ERBB4: variants seen among roughly 807,000 people sequenced by gnomAD.
The protein encoded by ERBB4 is receptor tyrosine-protein kinase erbB-4.
In ERBB4, 42 loss-of-function variants were observed where a neutral mutation model predicts 158.0. That is an observed-to-expected ratio of 0.27 (90% CI 0.21 to 0.34). ERBB4 has a LOEUF of 0.34. Among genes scored for constraint, ERBB4 ranks in the 10% least tolerant of loss-of-function variants. The pLI, the probability that ERBB4 is intolerant of heterozygous loss-of-function variation, is 1.00. For synonymous variants in ERBB4, 583 were observed against 558.7 expected, an observed-to-expected ratio of 1.04 and a Z score of -0.61; for missense variants, 1,333 against 1,624.1, an observed-to-expected ratio of 0.82 and a Z score of 3.08.
At chr2:211,458,052 T>C (rs887366094) in intron 20 of ERBB4, among the ~76,000 whole-genome samples, 7 of 138,628 alleles carry the variant, frequency 5.0e-5, no homozygotes, top group African/African-American at 1.8e-4. Context: ...GCAATAGATA[T>C]ATTTGTGCTT....
intron 20 of ERBB4, among the ~76,000 whole-genome samples, chr2:211,531,838 T>C (rs2066509108): frequency 6.6e-6 from 1 of 151,954 alleles, no homozygotes; most frequent in South Asian, 2.1e-4. Context: ...AATCAGTATA[T>C]CAAAGAGATA....
At chr2:211,766,303 T>A (rs1379474131) in intron 4 of ERBB4, among the ~76,000 whole-genome samples, 1 of 152,150 alleles carries the variant, frequency 6.6e-6, no homozygotes, top group African/African-American at 2.4e-5. Context: ...GATCTGCTTG[T>A]TCATCTTTCT....
chr2:211,507,855 A>T (rs1192549675), intron 20 of ERBB4, among the ~76,000 whole-genome samples: 1 of 152,146 alleles, frequency 6.6e-6, no homozygotes, highest in African/African-American at 2.4e-5. Flanking sequence ...CTGATCTTTG[A>T]CAAACCTGAC....
rs542334849 is a variant in ERBB4, at chr2:211,794,805, C to A, written c.422-6646G>T. On this transcript the variant is annotated intron_variant, in intron 3 of 27. Transcript: ENST00000342788. ...TTCTCAAATTGTCTTATTATATAAT[C>A]CCATACGTGTGTCAACGTCTAACTT... Among the ~76,000 whole-genome samples the A allele has an allele frequency of 6.5e-4, 99 of 151,922 alleles. 1 individual carries two copies. In the Middle Eastern group the frequency reaches 0.027, roughly 42 times the overall value.
intron 1 of ERBB4, among the ~76,000 whole-genome samples, chr2:212,510,155 AATAT>A (rs1013903891): frequency 9.7e-5 from 14 of 144,524 alleles, no homozygotes; most frequent in Non-Finnish European, 1.5e-5. Context: ...TATACATATA[AATAT>A]ATATATATAT....
chr2:212,484,712 C>T (rs892677326), intron 1 of ERBB4, among the ~76,000 whole-genome samples: 11 of 152,292 alleles, frequency 7.2e-5, no homozygotes, highest in Middle Eastern at 3.4e-3. Flanking sequence ...TTAGGCCTAC[C>T]TCACCCTTTC....
At chr2:211,859,766 A>G (rs2077966132) in intron 3 of ERBB4, among the ~76,000 whole-genome samples, 2 of 152,204 alleles carry the variant, frequency 1.3e-5, no homozygotes, top group Non-Finnish European at 2.9e-5. Flanking sequence ...AATAATGCAA[A>G]GCACACATAT....
intron 2 of ERBB4, among the ~76,000 whole-genome samples, chr2:212,039,432 C>T (rs1011218794): frequency 6.6e-6 from 1 of 152,148 alleles, no homozygotes; most frequent in African/African-American, 2.4e-5. Context: ...TACATGGCTA[C>T]ATTTTGCCTC....
At chr2:211,944,225 C>CACA (rs1559155599) in intron 3 of ERBB4, among the ~76,000 whole-genome samples, 1 of 114,710 alleles carries the variant, frequency 8.7e-6, no homozygotes, top group Non-Finnish European at 1.7e-5. Flanking sequence ...CACACACACA[C>CACA]AAAAAAAAAG....
chr2:211,480,965 T>A (rs2125547580), intron 20 of ERBB4, among the ~76,000 whole-genome samples: 1 of 152,300 alleles, frequency 6.6e-6, no homozygotes, highest in East Asian at 1.9e-4. Context: ...AAACTGCCAT[T>A]TCTATTATTC....
chr2:211,924,193 G>C (rs1409152825), intron 3 of ERBB4, among the ~76,000 whole-genome samples: 2 of 152,120 alleles, frequency 1.3e-5, no homozygotes, highest in Non-Finnish European at 2.9e-5. Flanking sequence ...AAAGGCTGTT[G>C]CTAGGAGTCC....
At chr2:212,528,701 TGAAAA>T (rs1349971426) in intron 1 of ERBB4, among the ~76,000 whole-genome samples, 1 of 152,174 alleles carries the variant, frequency 6.6e-6, no homozygotes, top group Admixed American at 6.5e-5. Context: ...TCTGGTAACC[TGAAAA>T]GAAATGTCTA....
At chr2:212,474,275 A>C (rs966438733) in intron 1 of ERBB4, among the ~76,000 whole-genome samples, 2 of 152,030 alleles carry the variant, frequency 1.3e-5, no homozygotes, top group African/African-American at 2.4e-5. Flanking sequence ...GGTCCAGTAA[A>C]TGATTGTTTA....
At position 211,561,898 on chromosome 2, in the gene ERBB4, C is replaced by T. The variant is rs569129845; in HGVS notation, c.2487+5G>A. 52 of 1,613,182 alleles carry T rather than the reference C, an allele frequency of 3.2e-5. No homozygotes were observed. Among genetic ancestry groups the T allele is most frequent in the Non-Finnish European group, 4.2e-5 (50 of 1,179,552 alleles). The stretch of plus-strand genomic sequence containing the variant: ...TAATTTCCATAGAAATTGACAGGCA[C>T]TTACCTTAGCTATCTGGACACACCA... On this transcript the variant is annotated splice_donor_5th_base_variant and intron_variant, in intron 20 of 27. Transcript: ENST00000342788.
intron 1 of ERBB4, among the ~76,000 whole-genome samples, chr2:212,431,322 A>G (rs1354776244): frequency 6.6e-6 from 1 of 150,716 alleles, no homozygotes. Context: ...AAAAAAAAAA[A>G]AAAAAAAACC....
intron 1 of ERBB4, among the ~76,000 whole-genome samples, chr2:212,505,418 G>GCCAAATTGTGAA (rs1472760231): frequency 2.4e-5 from 3 of 124,184 alleles, no homozygotes; most frequent in Admixed American, 7.7e-5. Context: ...CTTGAAGAGA[G>GCCAAATTGTGAA]TGAGTATTAA....
chr2:211,977,531 T>TAAAAAAAAAAAAAAAAA (rs370595284), intron 2 of ERBB4, among the ~76,000 whole-genome samples: 1 of 67,590 alleles, frequency 1.5e-5, no homozygotes, highest in Non-Finnish European at 2.7e-5. Context: ...ATATTGACTT[T>TAAAAAAAAAAAAAAAAA]AAAAAAAAAA....
chr2:212,071,054 C>T (rs775010116), intron 2 of ERBB4, among the ~76,000 whole-genome samples: 7 of 151,862 alleles, frequency 4.6e-5, no homozygotes, highest in Non-Finnish European at 7.4e-5. Flanking sequence ...TAAGAAACTG[C>T]ACTCTTGAAC....
intron 5 of ERBB4, among the ~76,000 whole-genome samples, chr2:211,743,307 C>A (rs1322541183): frequency 6.6e-6 from 1 of 152,082 alleles, no homozygotes; most frequent in African/African-American, 2.4e-5. Context: ...GAAAATCAAA[C>A]TGTAATGTTT....
Sources: gnomAD v4.1 joint callset for allele counts (sites outside exome capture counted in the v4.1 genomes callset) on GRCh38, gnomAD v4.1.1 for gene constraint, MANE v1.5 for transcripts, NCBI Gene and HGNC (gene_info 2026-07-23, HGNC 2026-07-21) for gene names.